KCNN2: variants seen among roughly 807,000 people sequenced by gnomAD.
KCNN2 encodes small conductance calcium-activated potassium channel protein 2.
KCNN2 carries 24 observed loss-of-function variants against 55.5 expected under a neutral mutation model. The observed-to-expected ratio is 0.43, with a 90% confidence interval of 0.31 to 0.61. The LOEUF (loss-of-function observed/expected upper bound fraction) is 0.61, where lower values mean the gene tolerates loss of function less well. Ranked by LOEUF, KCNN2 falls within the 20% of genes least tolerant of loss-of-function variation. The pLI, the probability that KCNN2 is intolerant of heterozygous loss-of-function variation, is 0.08. For missense variants in KCNN2, 754 were observed against 853.6 expected (o/e 0.88, Z 1.45); for synonymous variants, 431 against 336.1 (o/e 1.28, Z -3.09).
intron 2 of KCNN2, among the ~76,000 whole-genome samples, chr5:114,277,572 T>A (rs1205446396): frequency 6.6e-6 from 1 of 152,216 alleles, no homozygotes; most frequent in Non-Finnish European, 1.5e-5. Context: ...TCTTCTTGCT[T>A]TATTTCATTA....
intron 2 of KCNN2, among the ~76,000 whole-genome samples, chr5:114,282,577 A>T (rs1241724076): frequency 6.6e-6 from 1 of 152,124 alleles, no homozygotes; most frequent in African/African-American, 2.4e-5. Context: ...TGTTGCATCA[A>T]CTTCGTGAGA....
chr5:114,349,163 C>T (rs992440578), intron 2 of KCNN2, among the ~76,000 whole-genome samples: 1 of 152,068 alleles, frequency 6.6e-6, no homozygotes, highest in Non-Finnish European at 1.5e-5. Flanking sequence ...AATCATGTAA[C>T]GTGTTCTGCG....
chr5:114,487,533 T>C (rs1747633459), intron 6 of KCNN2, among the ~76,000 whole-genome samples: 1 of 152,200 alleles, frequency 6.6e-6, no homozygotes, highest in African/African-American at 2.4e-5. Context: ...CATATTTATA[T>C]GAAAGTAGTG....
At chr5:114,466,807 G>A (rs1258387352) in intron 4 of KCNN2, among the ~76,000 whole-genome samples, 2 of 151,976 alleles carry the variant, frequency 1.3e-5, no homozygotes, top group Admixed American at 1.3e-4. Context: ...ACTAGACTTT[G>A]ACAACATCTA....
chr5:114,178,303 C>G (rs1753175474), intron 1 of KCNN2, among the ~76,000 whole-genome samples: 2 of 152,210 alleles, frequency 1.3e-5, no homozygotes, highest in Admixed American at 6.5e-5. Context: ...AAACTGCCAT[C>G]TGGCAGTTCC....
intron 1 of KCNN2, among the ~76,000 whole-genome samples, chr5:114,144,695 T>A (rs1048633575): frequency 6.6e-6 from 1 of 152,026 alleles, no homozygotes; most frequent in African/African-American, 2.4e-5. Flanking sequence ...TGAACTAGTA[T>A]GCATCTTTCC....
chr5:114,123,250 T>C (rs1248302894), intron 1 of KCNN2, among the ~76,000 whole-genome samples: 1 of 152,200 alleles, frequency 6.6e-6, no homozygotes, highest in African/African-American at 2.4e-5. Context: ...CCACTTTTTT[T>C]CTGTGCTTGG....
intron 2 of KCNN2, among the ~76,000 whole-genome samples, chr5:114,275,525 C>T (rs1480048965): frequency 6.6e-6 from 1 of 152,020 alleles, no homozygotes; most frequent in Non-Finnish European, 1.5e-5. Context: ...TGTTATTTGT[C>T]TATTCAGAGA....
intron 1 of KCNN2, among the ~76,000 whole-genome samples, chr5:114,185,435 G>A (rs544768916): frequency 6.6e-6 from 1 of 152,330 alleles, no homozygotes; most frequent in African/African-American, 2.4e-5. Context: ...CCACTGAGGC[G>A]GAGCCTCAGG....
intron 2 of KCNN2, among the ~76,000 whole-genome samples, chr5:114,394,966 C>G (rs569542919): frequency 2.0e-5 from 3 of 152,282 alleles, no homozygotes; most frequent in South Asian, 2.1e-4. Flanking sequence ...ACTTTCCTAA[C>G]AAATATATGA....
At chr5:114,343,718 G>A (rs1757058305) in intron 2 of KCNN2, among the ~76,000 whole-genome samples, 1 of 151,610 alleles carries the variant, frequency 6.6e-6, no homozygotes, top group South Asian at 2.1e-4. Flanking sequence ...CATGGTGTGG[G>A]GGGAACAGCA....
At chr5:114,257,002 C>T (rs1754995267) in intron 2 of KCNN2, among the ~76,000 whole-genome samples, 1 of 152,122 alleles carries the variant, frequency 6.6e-6, no homozygotes, top group Non-Finnish European at 1.5e-5. Context: ...TTAGGTCATA[C>T]ATTTAAATCT....
chr5:114,436,265 T>C (rs1037618377), intron 3 of KCNN2, among the ~76,000 whole-genome samples: 1 of 152,228 alleles, frequency 6.6e-6, no homozygotes, highest in Non-Finnish European at 1.5e-5. Flanking sequence ...TGAAGTATTT[T>C]TTAAGTTTTA....
intron 1 of KCNN2, among the ~76,000 whole-genome samples, chr5:114,204,061 T>G (rs1415094089): frequency 6.6e-6 from 1 of 152,126 alleles, no homozygotes; most frequent in African/African-American, 2.4e-5. Context: ...TTGTGATATG[T>G]AGAAGTACAG....
intron 6 of KCNN2, among the ~76,000 whole-genome samples, chr5:114,490,309 A>G (rs1429932453): frequency 6.6e-6 from 1 of 152,218 alleles, no homozygotes; most frequent in Non-Finnish European, 1.5e-5. Context: ...CCCCAAAAAA[A>G]TTACAATGCC....
chr5:114,361,560 G>C (rs1019991502), upstream of KCNN2, among the ~76,000 whole-genome samples: 1 of 152,202 alleles, frequency 6.6e-6, no homozygotes, highest in African/African-American at 2.4e-5. Flanking sequence ...GGAGAAGCGG[G>C]CGTGGGACGA....
At chr5:114,238,721 C>CAA (rs1214742939) in intron 2 of KCNN2, among the ~76,000 whole-genome samples, 2 of 152,044 alleles carry the variant, frequency 1.3e-5, no homozygotes, top group Non-Finnish European at 2.9e-5. Flanking sequence ...GCTGGCATGG[C>CAA]AATTTATGTT....
intron 2 of KCNN2, among the ~76,000 whole-genome samples, chr5:114,340,744 G>A (rs1490040803): frequency 6.6e-6 from 1 of 151,968 alleles, no homozygotes; most frequent in East Asian, 1.9e-4. Context: ...ACACTATACA[G>A]TATTAATCAC....
At chr5:114,230,028 A>G (rs13187760) in intron 2 of KCNN2, among the ~76,000 whole-genome samples, 17,197 of 152,244 alleles carry the variant, frequency 0.11, 1,159 homozygotes, top group Middle Eastern at 0.23. Context: ...ATAGACCTAA[A>G]GGTGAGAAAT....
Sources: allele counts gnomAD v4.1 joint callset (sites outside exome capture counted in the v4.1 genomes callset), GRCh38; gene constraint gnomAD v4.1.1; transcripts MANE v1.5; gene names NCBI Gene and HGNC (gene_info 2026-07-23, HGNC 2026-07-21).